SLCO3A1: variants seen among roughly 807,000 people sequenced by gnomAD.
SLCO3A1 encodes the protein solute carrier organic anion transporter family member 3A1, also known as PGE1 transporter.
SLCO3A1 carries 27 observed loss-of-function variants against 63.1 expected under a neutral mutation model. The ratio of observed to expected loss-of-function variants is 0.43; its 90% confidence interval spans 0.32 to 0.59. The LOEUF (loss-of-function observed/expected upper bound fraction) is 0.59, where lower values mean the gene tolerates loss of function less well. Among genes scored for constraint, SLCO3A1 ranks in the 20% least tolerant of loss-of-function variants. The pLI is 0.09. For synonymous variants in SLCO3A1, 473 were observed against 409.9 expected (o/e 1.15, Z -1.86); for missense variants, 773 against 945.8 (o/e 0.82, Z 2.40).
intron 2 of SLCO3A1, among the ~76,000 whole-genome samples, chr15:91,943,666 T>C (rs1435197398): frequency 6.6e-6 from 1 of 152,208 alleles, no homozygotes; most frequent in Non-Finnish European, 1.5e-5. Flanking sequence ...CCATACTGTT[T>C]TTCATACCCA....
intron 5 of SLCO3A1, among the ~76,000 whole-genome samples, chr15:92,124,301 G>T (rs2151564386): frequency 6.6e-6 from 1 of 152,334 alleles, no homozygotes; most frequent in East Asian, 1.9e-4. Context: ...ATCACCGCCT[G>T]GAGTGTTAAG....
intron 7 of SLCO3A1, among the ~76,000 whole-genome samples, chr15:92,144,429 A>T (rs2048193359): frequency 6.6e-6 from 1 of 152,206 alleles, no homozygotes; most frequent in Non-Finnish European, 1.5e-5. Context: ...TGCAAGCTTA[A>T]GTCAGTGTCT....
chr15:91,854,115 G>C lies in SLCO3A1; in HGVS notation c.180+27G>C. 1 of 1,451,956 alleles carries C rather than the reference G, an allele frequency of 6.9e-7. No individual in the cohort carries two copies. The highest frequency in any genetic ancestry group is 9.1e-7 in the Non-Finnish European group (1 of 1,093,150). 89.9% of individuals were successfully genotyped at this position (1,451,956 alleles called of 1,614,324 possible). On this transcript the variant is annotated intron_variant, in intron 1 of 9. Transcript: ENST00000318445. The surrounding 1 kb of genome is among the most constrained non-coding windows in gnomAD (Gnocchi z 6.4). ...TGAGTCCCCGAGCCAACTCCGCCGC[G>C]GGCCCCTTCCCCAGCCCGGCTCTCG...
chr15:91,898,229 A>C (rs2151363769), intron 1 of SLCO3A1, among the ~76,000 whole-genome samples: 1 of 152,310 alleles, frequency 6.6e-6, no homozygotes, highest in African/African-American at 2.4e-5. Flanking sequence ...GGCAATAACC[A>C]CTTTCTCACT....
intron 8 of SLCO3A1, 61 bp downstream of exon 8, chr15:92,147,220 C>T (rs1407505232): frequency 2.0e-6 from 3 of 1,509,936 alleles, no homozygotes; most frequent in African/African-American, 1.4e-5. Flanking sequence ...CTGCAGGCCT[C>T]CTAGGGACCA....
intron 2 of SLCO3A1, among the ~76,000 whole-genome samples, chr15:92,035,860 G>T (rs1161780538): frequency 6.6e-6 from 1 of 151,854 alleles, no homozygotes; most frequent in African/African-American, 2.4e-5. Flanking sequence ...GTAGGGAAAA[G>T]ACAGAAGTTT....
At chr15:91,976,722 G>T (rs1246928850) in intron 2 of SLCO3A1, among the ~76,000 whole-genome samples, 1 of 152,124 alleles carries the variant, frequency 6.6e-6, no homozygotes, top group Admixed American at 6.5e-5. Context: ...GCGTCCGGGG[G>T]AGACATCACA....
At chr15:92,065,070 T>TTTTGTTTG (rs35791741) in intron 2 of SLCO3A1, among the ~76,000 whole-genome samples, 2,616 of 150,966 alleles carry the variant, frequency 0.017, 51 homozygotes, top group African/African-American at 0.048. Context: ...TACCCACGTT[T>TTTTGTTTG]TTTGTTTGTT....
At chr15:92,007,154 A>G (rs1313794279) in intron 2 of SLCO3A1, among the ~76,000 whole-genome samples, 1 of 152,224 alleles carries the variant, frequency 6.6e-6, no homozygotes, top group Non-Finnish European at 1.5e-5. Flanking sequence ...CTTTATATAT[A>G]TGTTCTCAAT....
chr15:92,149,190 T>C (rs2048271685), intron 8 of SLCO3A1: 1 of 152,336 alleles, frequency 6.6e-6, no homozygotes, highest in Non-Finnish European at 1.5e-5. Flanking sequence ...CACTTCCAGA[T>C]CTCAGCTTGA....
chr15:91,890,213 G>T (rs1256015839), intron 1 of SLCO3A1, among the ~76,000 whole-genome samples: 1 of 152,128 alleles, frequency 6.6e-6, no homozygotes, highest in African/African-American at 2.4e-5. Context: ...GTTAATACAC[G>T]TATACCCACT....
At chr15:92,135,639 G>C (rs2048047743) in intron 7 of SLCO3A1, among the ~76,000 whole-genome samples, 2 of 152,190 alleles carry the variant, frequency 1.3e-5, no homozygotes, top group Admixed American at 6.5e-5. Context: ...AATGACAGGA[G>C]ACTGTCTGAG....
intron 4 of SLCO3A1, among the ~76,000 whole-genome samples, chr15:92,110,782 A>T (rs1353408761): frequency 6.6e-6 from 1 of 152,088 alleles, no homozygotes; most frequent in East Asian, 1.9e-4. Context: ...CTGCTATGTG[A>T]TAGGGGAGGG....
chr15:92,151,203 C>T (rs1404333414), intron 9 of SLCO3A1, 189 bp downstream of exon 9: 1 of 549,814 alleles, frequency 1.8e-6, no homozygotes, highest in Non-Finnish European at 3.2e-6. Context: ...CTCGATATCA[C>T]GAAGTTCTCA....
intron 2 of SLCO3A1, among the ~76,000 whole-genome samples, chr15:92,070,119 T>G (rs536462505): frequency 6.6e-6 from 1 of 152,254 alleles, no homozygotes; most frequent in African/African-American, 2.4e-5. Flanking sequence ...GAGCCTAAAT[T>G]GAAATATCCA....
chr15:91,985,414 T>C (rs1215486748), intron 2 of SLCO3A1, among the ~76,000 whole-genome samples: 1 of 152,214 alleles, frequency 6.6e-6, no homozygotes, highest in African/African-American at 2.4e-5. Context: ...TCATGAATAG[T>C]GTCTCTGTGA....
intron 1 of SLCO3A1, among the ~76,000 whole-genome samples, chr15:91,864,372 A>C (rs563798003): frequency 6.6e-6 from 1 of 152,224 alleles, no homozygotes; most frequent in Non-Finnish European, 1.5e-5. Flanking sequence ...CCAGGAAGGA[A>C]AGACAACTGA....
chr15:92,056,719 T>A, intron 2 of SLCO3A1, among the ~76,000 whole-genome samples: 1 of 152,184 alleles, frequency 6.6e-6, no homozygotes, highest in Admixed American at 6.5e-5. Context: ...ACTTTTCCGC[T>A]GAGAAAAGGC....
intron 2 of SLCO3A1, among the ~76,000 whole-genome samples, chr15:92,021,604 C>T (rs1055780577): frequency 3.3e-5 from 5 of 152,064 alleles, no homozygotes; most frequent in Admixed American, 1.3e-4. Context: ...CATAGATTTC[C>T]GTAATAGTTT....
Sources: allele counts gnomAD v4.1 joint callset (sites outside exome capture counted in the v4.1 genomes callset), GRCh38; gene constraint gnomAD v4.1.1; non-coding constraint Gnocchi (gnomAD v3.1); transcripts MANE v1.5; gene names NCBI Gene and HGNC (gene_info 2026-07-23, HGNC 2026-07-21).